The following PTPRD variants were observed in gnomAD, a reference collection of about 807,000 sequenced individuals.
The protein encoded by PTPRD is protein tyrosine phosphatase receptor type D, also known as receptor-type tyrosine-protein phosphatase delta.
In PTPRD, 34 loss-of-function variants were observed where a neutral mutation model predicts 214.5. The ratio of observed to expected loss-of-function variants is 0.16; its 90% confidence interval spans 0.12 to 0.21. The LOEUF (loss-of-function observed/expected upper bound fraction) is 0.21, where lower values mean the gene tolerates loss of function less well. PTPRD is among the 10% of genes least tolerant of loss of function. The pLI is 1.00. For missense variants in PTPRD, 2,545 were observed against 2,398.7 expected, an observed-to-expected ratio of 1.06 and a Z score of -1.27; for synonymous variants, 1,128 against 845.7, an observed-to-expected ratio of 1.33 and a Z score of -5.79.
At chr9:8,656,262 A>G (rs1187439532) in intron 12 of PTPRD, among the ~76,000 whole-genome samples, 1 of 152,102 alleles carries the variant, frequency 6.6e-6, no homozygotes, top group African/African-American at 2.4e-5. Flanking sequence ...AGCATACTAA[A>G]ATTTTACAAC....
chr9:10,538,935 T>C (rs972086530), intron 2 of PTPRD, among the ~76,000 whole-genome samples: 4 of 152,172 alleles, frequency 2.6e-5, no homozygotes, highest in African/African-American at 7.2e-5. Context: ...TAACTTCTAA[T>C]ACTCCAGTTA....
chr9:9,953,503 C>T (rs1168677962), intron 4 of PTPRD, among the ~76,000 whole-genome samples: 2 of 151,780 alleles, frequency 1.3e-5, no homozygotes, highest in African/African-American at 4.8e-5. Context: ...GACACACACA[C>T]ACACACACAC....
In PTPRD at chr9:9,031,854, G is replaced by A. The variant is rs563773444; in HGVS notation, c.-142-13119C>T. ...GCTTCCTGGACGTGCTGGCATTTGA[G>A]CAAGGGCAGAAGGATGGTAGAATTG... On this transcript the variant is annotated intron_variant, in intron 10 of 45. Transcript: ENST00000381196. 2.5e-3 allele frequency among the ~76,000 whole-genome samples: 377 copies of A among 152,072 alleles called. 2 individuals are homozygous for A. Among genetic ancestry groups the A allele is most frequent in the African/African-American group, 8.7e-3 (363 of 41,504 alleles).
At chr9:8,319,318 T>G (rs1824946896) in intron 45 of PTPRD, among the ~76,000 whole-genome samples, 1 of 152,032 alleles carries the variant, frequency 6.6e-6, no homozygotes, top group Non-Finnish European at 1.5e-5. Flanking sequence ...AATTTCCATA[T>G]TAATTATTGG....
At chr9:8,961,410 G>A (rs960272455) in intron 11 of PTPRD, among the ~76,000 whole-genome samples, 1 of 152,112 alleles carries the variant, frequency 6.6e-6, no homozygotes, top group African/African-American at 2.4e-5. Flanking sequence ...GGAAATGACT[G>A]ACCTTGATCC....
At chr9:10,588,550 G>C (rs1300347910) in intron 2 of PTPRD, among the ~76,000 whole-genome samples, 1 of 151,538 alleles carries the variant, frequency 6.6e-6, no homozygotes, top group Non-Finnish European at 1.5e-5. Context: ...TCATACTATT[G>C]ATATTAGAAG....
intron 5 of PTPRD, among the ~76,000 whole-genome samples, chr9:9,856,059 A>T (rs1230876901): frequency 6.6e-6 from 1 of 152,168 alleles, no homozygotes; most frequent in Non-Finnish European, 1.5e-5. Flanking sequence ...TGCTGATGAA[A>T]GTGGCCCTCA....
intron 9 of PTPRD, among the ~76,000 whole-genome samples, chr9:9,258,164 A>G (rs2099978558): frequency 1.3e-5 from 2 of 151,956 alleles, no homozygotes; most frequent in South Asian, 4.1e-4. Flanking sequence ...TGCCATAAAC[A>G]TTACGATGGC....
intron 9 of PTPRD, among the ~76,000 whole-genome samples, chr9:9,275,186 ATATATATATATAT>A (rs201345874): frequency 0.47 from 24,174 of 51,602 alleles, 5,122 homozygotes; most frequent in Non-Finnish European, 0.53. Flanking sequence ...TATATATGTT[ATATATATATATAT>A]TATATATATA....
intron 14 of PTPRD, among the ~76,000 whole-genome samples, chr9:8,584,781 G>C (rs1417641992): frequency 6.6e-6 from 1 of 152,166 alleles, no homozygotes; most frequent in Non-Finnish European, 1.5e-5. Flanking sequence ...AATTTATAAA[G>C]GAAAGAGGTT....
chr9:8,499,935 A>G (rs946462839), intron 24 of PTPRD, 95 bp from the exon 25 acceptor site: 1 of 1,045,212 alleles, frequency 9.6e-7, no homozygotes, highest in African/African-American at 1.6e-5. Flanking sequence ...TTCTCTTTCA[A>G]AAAATGGGTA....
At chr9:9,926,890 A>G (rs75724927) in intron 5 of PTPRD, among the ~76,000 whole-genome samples, 14,843 of 152,152 alleles carry the variant, frequency 0.098, 2,368 homozygotes, top group African/African-American at 0.33. Context: ...TTTATTACAA[A>G]TGGAAAAAGC....
chr9:9,843,263 T>C (rs2058748978), intron 5 of PTPRD, among the ~76,000 whole-genome samples: 2 of 152,174 alleles, frequency 1.3e-5, no homozygotes, highest in African/African-American at 4.8e-5. Flanking sequence ...AATCATAATA[T>C]CGCTTAGGGA....
chr9:9,367,309 G>A (rs2058151275), intron 9 of PTPRD, among the ~76,000 whole-genome samples: 1 of 151,394 alleles, frequency 6.6e-6, no homozygotes, highest in Middle Eastern at 3.2e-3. Context: ...ATCATTTCAA[G>A]GACATCAGAT....
intron 14 of PTPRD, among the ~76,000 whole-genome samples, chr9:8,547,134 A>G (rs941130816): frequency 2.6e-5 from 4 of 152,188 alleles, no homozygotes; most frequent in African/African-American, 7.2e-5. Flanking sequence ...ACAACCTTTT[A>G]AAAATATATA....
intron 9 of PTPRD, among the ~76,000 whole-genome samples, chr9:9,197,635 T>C (rs906103069): frequency 1.3e-5 from 2 of 152,184 alleles, no homozygotes. Flanking sequence ...GGTCTCGAAC[T>C]CCTGACCTCA....
intron 36 of PTPRD, among the ~76,000 whole-genome samples, chr9:8,390,313 C>T (rs561686999): frequency 9.2e-5 from 14 of 152,286 alleles, no homozygotes; most frequent in African/African-American, 3.4e-4. Context: ...TCATTCCACT[C>T]ACCTCCTTGC....
At chr9:8,468,217 A>C (rs573648114) in intron 31 of PTPRD, among the ~76,000 whole-genome samples, 2 of 152,032 alleles carry the variant, frequency 1.3e-5, no homozygotes, top group Non-Finnish European at 2.9e-5. Flanking sequence ...AGGTTGCTCT[A>C]ATCTCTGCAG....
intron 9 of PTPRD, among the ~76,000 whole-genome samples, chr9:9,215,448 T>G (rs747548512): frequency 1.1e-4 from 17 of 152,114 alleles, no homozygotes; most frequent in Non-Finnish European, 2.2e-4. Context: ...ATGTGATAAT[T>G]TATATGAAAA....
Sources: gnomAD v4.1 joint callset for allele counts (sites outside exome capture counted in the v4.1 genomes callset) on GRCh38, gnomAD v4.1.1 for gene constraint, MANE v1.5 for transcripts, NCBI Gene and HGNC (gene_info 2026-07-23, HGNC 2026-07-21) for gene names.